The following KCNT2 variants were observed in gnomAD, a reference collection of about 807,000 sequenced individuals.
KCNT2 encodes potassium channel subfamily T member 2.
In KCNT2, 67 loss-of-function variants were observed where a neutral mutation model predicts 153.8. That is an observed-to-expected ratio of 0.44 (90% confidence interval 0.36 to 0.53). KCNT2 has a LOEUF of 0.53. Ranked by LOEUF, KCNT2 falls within the 20% of genes least tolerant of loss-of-function variation. The pLI, the probability that KCNT2 is intolerant of heterozygous loss-of-function variation, is 0.00. For synonymous variants in KCNT2, 500 were observed against 458.8 expected (o/e 1.09, Z -1.15); for missense variants, 975 against 1,354.8 (o/e 0.72, Z 4.40).
At chr1:196,405,945 T>C (rs1431628773) in intron 12 of KCNT2, among the ~76,000 whole-genome samples, 1 of 151,508 alleles carries the variant, frequency 6.6e-6, no homozygotes, top group Non-Finnish European at 1.5e-5. Flanking sequence ...CTTATGGCAA[T>C]CTGGAGAACA....
intron 25 of KCNT2, among the ~76,000 whole-genome samples, chr1:196,262,481 A>T (rs1200001594): frequency 6.6e-6 from 1 of 152,062 alleles, no homozygotes; most frequent in East Asian, 1.9e-4. Flanking sequence ...GTGCTAGTTT[A>T]ACATTTTCTC....
chr1:196,300,212 A>C (rs1661056493), intron 22 of KCNT2, among the ~76,000 whole-genome samples: 1 of 152,222 alleles, frequency 6.6e-6, no homozygotes. Context: ...TACAGAAGAC[A>C]GTGGAAAAGG....
intron 1 of KCNT2, among the ~76,000 whole-genome samples, chr1:196,510,694 C>A (rs376081319): frequency 5.9e-5 from 9 of 152,134 alleles, no homozygotes; most frequent in East Asian, 3.9e-4. Flanking sequence ...AAATGTGGCA[C>A]CCAGATTCTC....
At chr1:196,269,506 G>T (rs1444466159) in intron 25 of KCNT2, among the ~76,000 whole-genome samples, 1 of 152,090 alleles carries the variant, frequency 6.6e-6, no homozygotes, top group African/African-American at 2.4e-5. Context: ...AGTATTTTCA[G>T]TTGTGGACTA....
At chr1:196,423,851 A>G (rs1431948136) in intron 11 of KCNT2, among the ~76,000 whole-genome samples, 8 of 151,904 alleles carry the variant, frequency 5.3e-5, no homozygotes, top group African/African-American at 1.9e-4. Context: ...TGAGTGTTGG[A>G]TAACTTTCTT....
At chr1:196,384,159 T>C (rs1306564385) in intron 13 of KCNT2, among the ~76,000 whole-genome samples, 2 of 152,184 alleles carry the variant, frequency 1.3e-5, no homozygotes, top group East Asian at 3.8e-4. Flanking sequence ...ATTTATACAA[T>C]TTTATTTATC....
intron 1 of KCNT2, among the ~76,000 whole-genome samples, chr1:196,565,619 G>A (rs1056545522): frequency 2.0e-5 from 3 of 149,122 alleles, no homozygotes; most frequent in African/African-American, 7.3e-5. Flanking sequence ...ATGTATATAT[G>A]TTGTATATAT....
intron 4 of KCNT2, among the ~76,000 whole-genome samples, chr1:196,481,263 G>C (rs1679000658): frequency 6.6e-6 from 1 of 152,174 alleles, no homozygotes; most frequent in Non-Finnish European, 1.5e-5. Context: ...GACTTTGAAA[G>C]ACATGTGGAA....
chr1:196,369,306 A>C (rs963948006), intron 14 of KCNT2, among the ~76,000 whole-genome samples: 5 of 152,144 alleles, frequency 3.3e-5, no homozygotes, highest in Non-Finnish European at 7.4e-5. Context: ...CTAAAGAATA[A>C]ATTTTTTTTT....
intron 25 of KCNT2, chr1:196,273,620 G>T: frequency 1.7e-6 from 1 of 586,514 alleles, no homozygotes. Flanking sequence ...CCAATTGCAT[G>T]CATATTTCTC....
At chr1:196,461,646 T>G (rs555841255) in intron 8 of KCNT2, among the ~76,000 whole-genome samples, 5 of 151,756 alleles carry the variant, frequency 3.3e-5, no homozygotes, top group Admixed American at 6.6e-5. Flanking sequence ...CAGTTTACTC[T>G]GCTTTGTTTT....
At chr1:196,255,460 C>T (rs1395730671) in intron 26 of KCNT2, among the ~76,000 whole-genome samples, 1 of 147,278 alleles carries the variant, frequency 6.8e-6, no homozygotes, top group Non-Finnish European at 1.5e-5. Flanking sequence ...TAGCTGTTTC[C>T]TCAAAGCATA....
chr1:196,408,579 C>T (rs1672026368), intron 12 of KCNT2, among the ~76,000 whole-genome samples: 1 of 151,584 alleles, frequency 6.6e-6, no homozygotes, highest in African/African-American at 2.4e-5. Context: ...GGTAAAGCTG[C>T]ATTCCATACA....
intron 25 of KCNT2, among the ~76,000 whole-genome samples, chr1:196,260,915 C>T (rs1656957558): frequency 6.6e-6 from 1 of 151,752 alleles, no homozygotes; most frequent in African/African-American, 2.4e-5. Flanking sequence ...CAACTGTAAA[C>T]TTTCACATAT....
intron 19 of KCNT2, among the ~76,000 whole-genome samples, chr1:196,321,795 C>T (rs1663344087): frequency 6.6e-6 from 1 of 151,744 alleles, no homozygotes; most frequent in Non-Finnish European, 1.5e-5. Flanking sequence ...AAAAAGGTGG[C>T]TTAAAAGGAA....
At chr1:196,490,760 A>G (rs527425726) in intron 2 of KCNT2, among the ~76,000 whole-genome samples, 1 of 151,890 alleles carries the variant, frequency 6.6e-6, no homozygotes, top group Non-Finnish European at 1.5e-5. Flanking sequence ...TAAGCACAAT[A>G]TGCATAAAGT....
intron 22 of KCNT2, among the ~76,000 whole-genome samples, chr1:196,298,273 C>T (rs1166629625): frequency 6.6e-6 from 1 of 152,088 alleles, no homozygotes; most frequent in African/African-American, 2.4e-5. Context: ...AAGACTGCAC[C>T]CAATTTAAAC....
At chr1:196,427,136 A>G (rs1470332360) in intron 10 of KCNT2, among the ~76,000 whole-genome samples, 1 of 152,084 alleles carries the variant, frequency 6.6e-6, no homozygotes, top group Admixed American at 6.6e-5. Context: ...GAAATTAATT[A>G]AATATAAATA....
chr1:196,230,732 A>C (rs1278274406), intron 27 of KCNT2, among the ~76,000 whole-genome samples: 3 of 152,020 alleles, frequency 2.0e-5, no homozygotes, highest in Admixed American at 2.0e-4. Context: ...GCAATCTCTG[A>C]CCAAAATTTG....
Sources: allele counts gnomAD v4.1 joint callset (sites outside exome capture counted in the v4.1 genomes callset), GRCh38; gene constraint gnomAD v4.1.1; transcripts MANE v1.5; gene names NCBI Gene and HGNC (gene_info 2026-07-23, HGNC 2026-07-21).